Variants in LCOR observed in about 807,000 individuals in gnomAD.
The protein encoded by LCOR is ligand dependent nuclear receptor corepressor.
LCOR carries 14 observed loss-of-function variants against 64.4 expected under a neutral mutation model. The ratio of observed to expected loss-of-function variants is 0.22; its 90% CI spans 0.14 to 0.34. LCOR has a LOEUF of 0.34. Among genes scored for constraint, LCOR ranks in the 10% least tolerant of loss-of-function variants. LCOR has a pLI of 1.00. For missense variants in LCOR, 1,686 were observed against 1,765.3 expected, an observed-to-expected ratio of 0.96 and a Z score of 0.80; for synonymous variants, 643 against 642.5, an observed-to-expected ratio of 1.00 and a Z score of -0.01.
chr10:96,833,499 TCTCCG>T lies in LCOR; in HGVS notation c.-330+27_-330+31del. The T allele has an allele frequency of 1.0e-6, 1 of 973,316 alleles. No individual in the cohort carries two copies. Among genetic ancestry groups the T allele is most frequent in the Non-Finnish European group, 1.2e-6 (1 of 818,484 alleles). The allele number at this position is 973,316 out of a possible 1,614,324, so 60.3% of individuals were successfully genotyped here. A position where few individuals can be genotyped will look rare whatever the true frequency, so the allele number is the denominator to read the frequency against. On this transcript the variant is annotated intron_variant, in intron 2 of 7. Coordinates refer to ENST00000421806, the MANE Select transcript of LCOR (RefSeq NM_001346516.2). ...CAAAAAGTAAGTGGCCCGTGTGGTG[TCTCCG>T]CTCCGCCCGCCGCCCCCTAGCCCCA... is the stretch of plus-strand genomic sequence containing the variant.
Position 96,983,090 on chromosome 10 carries a change from C to T in LCOR, c.2630C>T (p.Thr877Met), listed in dbSNP as rs145332496. The T allele has an allele frequency of 1.5e-5, 24 of 1,613,520 alleles. No homozygotes were observed. The highest frequency in any genetic ancestry group is 5.3e-5 in the African/African-American group (4 of 74,988). Reference protein sequence around the residue: ...PKGLLPDSFHTETLEDTEKPS... With the variant: ...PKGLLPDSFHMETLEDTEKPS... ...GGCCTTCTACCTGACAGTTTCCACACGGAAACTCTGGAGGACACAGAAAAG... is the reference window on the plus strand; with the variant it reads ...GGCCTTCTACCTGACAGTTTCCACATGGAAACTCTGGAGGACACAGAAAAG... Residue 877 changes from threonine (T) to methionine (M), a missense_variant, in exon 8 of 8, where the codon ACG (threonine) becomes ATG (methionine). By Grantham distance (81) the Thr-to-Met change is moderately conservative. Coordinates refer to ENST00000421806, the MANE Select transcript of LCOR (RefSeq NM_001346516.2). The surrounding 1 kb of genome is among the most constrained non-coding windows in gnomAD (Gnocchi z 4.5).
At chr10:96,958,694 ATTTTC>A (rs1299472393) in intron 7 of LCOR, 2 of 414,880 alleles carry the variant, frequency 4.8e-6, no homozygotes, top group East Asian at 3.6e-5. Flanking sequence ...ATTCAGGTAA[ATTTTC>A]TTTTCCAAGA....
chr10:96,894,763 A>T (rs529377676), intron 2 of LCOR, among the ~76,000 whole-genome samples: 1 of 152,312 alleles, frequency 6.6e-6, no homozygotes, highest in South Asian at 2.1e-4. Flanking sequence ...TATAAATTAG[A>T]TATATTTAGA....
At chr10:96,966,187 T>C (rs1847947934) in intron 7 of LCOR, among the ~76,000 whole-genome samples, 1 of 146,208 alleles carries the variant, frequency 6.8e-6, no homozygotes, top group Non-Finnish European at 1.5e-5. Flanking sequence ...TTTTGCCATA[T>C]CCTGAGTTGG....
At chr10:96,884,062 T>C (rs1461275419) in intron 2 of LCOR, among the ~76,000 whole-genome samples, 1 of 152,196 alleles carries the variant, frequency 6.6e-6, no homozygotes, top group Admixed American at 6.5e-5. Context: ...TCATTTATAA[T>C]AATTTTGCAT....
At chr10:96,833,886 T>C (rs1414045843) in intron 2 of LCOR, among the ~76,000 whole-genome samples, 2 of 151,800 alleles carry the variant, frequency 1.3e-5, no homozygotes, top group African/African-American at 4.8e-5. Flanking sequence ...CAGACACTGA[T>C]TTAATAGACA....
chr10:96,973,544 T>G (rs1848015614), intron 7 of LCOR, among the ~76,000 whole-genome samples: 1 of 152,168 alleles, frequency 6.6e-6, no homozygotes, highest in Non-Finnish European at 1.5e-5. Context: ...GTGAGTAAAC[T>G]AGGGGACACA....
intron 2 of LCOR, among the ~76,000 whole-genome samples, chr10:96,866,506 G>A (rs1845976605): frequency 6.6e-6 from 1 of 152,132 alleles, no homozygotes; most frequent in African/African-American, 2.4e-5. Context: ...TTTCTCTTGG[G>A]TACATACCTA....
intron 4 of LCOR, among the ~76,000 whole-genome samples, chr10:96,929,101 T>C (rs896134305): frequency 1.3e-5 from 2 of 152,216 alleles, no homozygotes; most frequent in Admixed American, 1.3e-4. Flanking sequence ...CCCTCGAATT[T>C]GGGGAATCGT....
rs555767728 is a variant in LCOR, at chr10:96,986,008, G to C, written c.*874G>C. 1.2e-5 allele frequency: 2 copies of C among 166,936 alleles called. No homozygotes were observed. Among genetic ancestry groups the C allele is most frequent in the Non-Finnish European group, 2.9e-5 (2 of 68,092 alleles). The allele number at this position is 166,936 out of a possible 1,614,324, so 10.3% of individuals were successfully genotyped here. The stretch of plus-strand genomic sequence containing the variant: ...TTTTTCCATCTTGTAGCTGTAATTT[G>C]ATGATTAGGATGAAAATGACTCTTA... On this transcript the variant is annotated 3_prime_UTR_variant, in exon 8 of 8. Transcript: ENST00000421806.
intron 2 of LCOR, among the ~76,000 whole-genome samples, chr10:96,886,642 GGTT>G (rs1244423008): frequency 1.3e-5 from 2 of 151,340 alleles, no homozygotes; most frequent in Non-Finnish European, 2.9e-5. Flanking sequence ...ATCTAATTTG[GGTT>G]GTTTTTTCCT....
intron 7 of LCOR, among the ~76,000 whole-genome samples, chr10:96,973,889 G>A (rs1848017616): frequency 6.6e-6 from 1 of 152,128 alleles, no homozygotes; most frequent in South Asian, 2.1e-4. Context: ...CTAAATTCTA[G>A]ACTCTCAGAC....
intron 2 of LCOR, among the ~76,000 whole-genome samples, chr10:96,893,530 C>T (rs889017288): frequency 3.3e-5 from 5 of 152,092 alleles, no homozygotes; most frequent in South Asian, 2.1e-4. Flanking sequence ...TTTGGGAGGC[C>T]GATGCAGGCA....
intron 2 of LCOR, among the ~76,000 whole-genome samples, chr10:96,902,146 C>T (rs1221061213): frequency 6.6e-6 from 1 of 151,300 alleles, no homozygotes; most frequent in Non-Finnish European, 1.5e-5. Context: ...AAAAAAAATA[C>T]TATTTCTCCC....
Position 96,959,512 on chromosome 10 carries a change from G to C in LCOR, c.332+7316G>C, listed in dbSNP as rs569857218. The C allele has an allele frequency of 2.6e-5, 4 of 152,238 alleles. No homozygotes were observed. In the East Asian group the frequency reaches 7.7e-4, roughly 29 times the overall value. 9.4% of individuals were successfully genotyped at this position (152,238 alleles called of 1,614,324 possible). A position where few individuals can be genotyped will look rare whatever the true frequency, so the allele number is the denominator to read the frequency against. On this transcript the variant is annotated intron_variant, in intron 7 of 7. Transcript: ENST00000421806. ...ATCAAAAACACTAATTCTGTGGAAG[G>C]ATATCTAGTTGGTATTTTTATCTTT...
At chr10:96,917,914 T>C (rs2134467633) in intron 4 of LCOR, among the ~76,000 whole-genome samples, 1 of 152,248 alleles carries the variant, frequency 6.6e-6, no homozygotes, top group African/African-American at 2.4e-5. Flanking sequence ...AAAGTTTTGG[T>C]GCAGTGGCCA....
chr10:96,965,687 C>T (rs527656790), intron 7 of LCOR, among the ~76,000 whole-genome samples: 21 of 144,690 alleles, frequency 1.5e-4, no homozygotes, highest in African/African-American at 5.1e-4. Flanking sequence ...AAAAAAAAGA[C>T]GGGCTATCTA....
intron 4 of LCOR, among the ~76,000 whole-genome samples, chr10:96,915,028 G>A (rs560655524): frequency 5.2e-4 from 79 of 152,284 alleles, no homozygotes; most frequent in Admixed American, 1.1e-3. Flanking sequence ...CAAGGCTTTT[G>A]TGCCATGGTG....
intron 7 of LCOR, chr10:96,961,311 AAAGC>A (rs1354453602): frequency 1.3e-5 from 2 of 152,142 alleles, no homozygotes; most frequent in Non-Finnish European, 2.9e-5. Flanking sequence ...GAAAAGCTAA[AAAGC>A]AAGCACTTTT....
Sources: allele counts gnomAD v4.1 joint callset (sites outside exome capture counted in the v4.1 genomes callset), GRCh38; gene constraint gnomAD v4.1.1; non-coding constraint Gnocchi (gnomAD v3.1); transcripts MANE v1.5; gene names NCBI Gene and HGNC (gene_info 2026-07-23, HGNC 2026-07-21).